Variants in DCLK2 observed in about 807,000 individuals in gnomAD.
DCLK2 encodes serine/threonine-protein kinase DCLK2.
A neutral mutation model predicts 78.4 loss-of-function variants in DCLK2; 31 were observed. The ratio of observed to expected loss-of-function variants is 0.40; its 90% confidence interval spans 0.30 to 0.53. The LOEUF (loss-of-function observed/expected upper bound fraction) is 0.53, where lower values mean the gene tolerates loss of function less well. Ranked by LOEUF, DCLK2 falls within the 20% of genes least tolerant of loss-of-function variation. The probability of loss-of-function intolerance (pLI) is 0.61; values close to 1 mark genes in which losing one functional copy is unlikely to be tolerated. For synonymous variants in DCLK2, 407 were observed against 374.9 expected, an observed-to-expected ratio of 1.09 and a Z score of -0.99; for missense variants, 872 against 973.7, an observed-to-expected ratio of 0.90 and a Z score of 1.39.
At chr4:150,204,598 G>T (rs752545175) in intron 5 of DCLK2, among the ~76,000 whole-genome samples, 13 of 152,136 alleles carry the variant, frequency 8.5e-5, no homozygotes, top group Non-Finnish European at 1.5e-4. Context: ...TAGAGCTAAA[G>T]ATGGAATTTC....
chr4:150,175,117 T>A (rs1580651481), intron 2 of DCLK2, among the ~76,000 whole-genome samples: 1 of 69,364 alleles, frequency 1.4e-5, no homozygotes, highest in African/African-American at 8.3e-5. Context: ...TATATTTATA[T>A]TTTTTATATA....
chr4:150,131,935 AC>A (rs1314966300), intron 2 of DCLK2, among the ~76,000 whole-genome samples: 8 of 152,036 alleles, frequency 5.3e-5, no homozygotes, highest in African/African-American at 1.9e-4. Flanking sequence ...GGAAATGCAG[AC>A]CCCTTGTTCA....
At chr4:150,091,150 G>A (rs1300097251) in intron 1 of DCLK2, among the ~76,000 whole-genome samples, 2 of 152,126 alleles carry the variant, frequency 1.3e-5, no homozygotes, top group African/African-American at 4.8e-5. Context: ...GCTGGATGTG[G>A]GAACTCATCT....
intron 1 of DCLK2, among the ~76,000 whole-genome samples, chr4:150,095,999 G>A (rs1290160879): frequency 6.6e-6 from 1 of 152,214 alleles, no homozygotes; most frequent in African/African-American, 2.4e-5. Context: ...GAAGAGTTTG[G>A]CCTTTGTTCT....
rs1484700839 is a variant in DCLK2, at chr4:150,198,060, C to G, written c.918C>G (p.Ser306=). The stretch of plus-strand genomic sequence containing the variant: ...CCTCAGCTGTTAAGTATTCTGGATC[C>G]AAAAGCCCTGGGCCCTCTCGACGCA... ...SRSSAVKYSG[S]KSPGPSRRSK... The change falls in exon 4 of 16, where the codon TCC becomes TCG. Residue 306 remains serine, a synonymous_variant. Coordinates refer to ENST00000296550, the MANE Select transcript of DCLK2 (RefSeq NM_001040260.4). The G allele has an allele frequency of 2.5e-6, 4 of 1,613,738 alleles. No individual in the cohort carries two copies. Among genetic ancestry groups the G allele is most frequent in the African/African-American group, 1.3e-5 (1 of 74,858 alleles).
At chr4:150,164,639 A>C (rs1735937172) in intron 2 of DCLK2, among the ~76,000 whole-genome samples, 1 of 152,124 alleles carries the variant, frequency 6.6e-6, no homozygotes, top group Admixed American at 6.5e-5. Context: ...TCTCTACTAA[A>C]AATATAAAAA....
chr4:150,194,326 T>C (rs1382475576), intron 3 of DCLK2, among the ~76,000 whole-genome samples: 1 of 152,204 alleles, frequency 6.6e-6, no homozygotes, highest in Non-Finnish European at 1.5e-5. Context: ...CATGTAGATT[T>C]GTGTAAGTTT....
chr4:150,081,855 G>T (rs915987956), intron 1 of DCLK2, among the ~76,000 whole-genome samples: 7 of 150,660 alleles, frequency 4.6e-5, no homozygotes, highest in South Asian at 2.1e-4. Flanking sequence ...AAAATTAGCC[G>T]GGTGTGGCGG....
intron 2 of DCLK2, among the ~76,000 whole-genome samples, chr4:150,137,233 G>T (rs1043210386): frequency 6.6e-6 from 1 of 151,912 alleles, no homozygotes; most frequent in Non-Finnish European, 1.5e-5. Flanking sequence ...GAGTTAGCTG[G>T]GACAGGTTGT....
intron 2 of DCLK2, among the ~76,000 whole-genome samples, chr4:150,165,498 T>C (rs75090276): frequency 0.021 from 3,267 of 152,354 alleles, 117 homozygotes; most frequent in African/African-American, 0.074. Flanking sequence ...TAGCCACAGT[T>C]GTTGCCATAA....
intron 2 of DCLK2, among the ~76,000 whole-genome samples, chr4:150,130,829 A>G (rs1733261628): frequency 6.6e-6 from 1 of 152,160 alleles, no homozygotes; most frequent in African/African-American, 2.4e-5. Context: ...GACCACCGAA[A>G]CTGGAGATCA....
At chr4:150,243,914 G>T in intron 12 of DCLK2, among the ~76,000 whole-genome samples, 1 of 148,678 alleles carries the variant, frequency 6.7e-6, no homozygotes, top group African/African-American at 2.5e-5. Flanking sequence ...TTGTTGCCCA[G>T]TCTGTAAATT....
intron 2 of DCLK2, among the ~76,000 whole-genome samples, chr4:150,149,729 A>C (rs576683437): frequency 5.3e-5 from 8 of 152,322 alleles, no homozygotes; most frequent in African/African-American, 1.7e-4. Context: ...TTTCTTTGCC[A>C]ATGAATGTCT....
chr4:150,090,354 C>CAAG (rs1416088577), intron 1 of DCLK2, among the ~76,000 whole-genome samples: 2 of 152,182 alleles, frequency 1.3e-5, no homozygotes, highest in East Asian at 3.8e-4. Context: ...TGTGGTGATC[C>CAAG]AAGATCGCGC....
At position 150,175,011 on chromosome 4, in the gene DCLK2, A is replaced by AATATATAT. The variant is rs1327523541; in HGVS notation, c.757-18112_757-18105dup. ...AGACTCCGTCGCAAAAAAAAAAAAAAATATATATATATATATATATATTTA... is the reference window on the plus strand; with the variant it reads ...AGACTCCGTCGCAAAAAAAAAAAAAAATATATATATATATATATATATATATATATTTA... On this transcript the variant is annotated intron_variant, in intron 2 of 15. Coordinates refer to ENST00000296550, the MANE Select transcript of DCLK2 (RefSeq NM_001040260.4). 2.3e-3 allele frequency among the ~76,000 whole-genome samples: 23 copies of AATATATAT among 9,978 alleles called. 3 individuals carry two copies. The highest frequency in any genetic ancestry group is 3.4e-3 in the African/African-American group (13 of 3,794). 6.5% of individuals were successfully genotyped at this position (9,978 alleles called of 152,430 possible).
chr4:150,083,955 G>A (rs1398682670), intron 1 of DCLK2, among the ~76,000 whole-genome samples: 2 of 152,206 alleles, frequency 1.3e-5, no homozygotes, highest in Non-Finnish European at 2.9e-5. Context: ...ATTCTCCTGG[G>A]AGAGAGACAG....
At chr4:150,145,758 C>T (rs937931655) in intron 2 of DCLK2, among the ~76,000 whole-genome samples, 16 of 152,276 alleles carry the variant, frequency 1.1e-4, no homozygotes, top group African/African-American at 2.9e-4. Flanking sequence ...TCTCTGAGAC[C>T]ACTCAACTAC....
At chr4:150,171,941 C>T (rs1424566337) in intron 2 of DCLK2, among the ~76,000 whole-genome samples, 2 of 152,192 alleles carry the variant, frequency 1.3e-5, no homozygotes, top group Non-Finnish European at 2.9e-5. Context: ...TTGACAAATG[C>T]GTGCATCTTG....
intron 2 of DCLK2, among the ~76,000 whole-genome samples, chr4:150,138,498 A>G (rs1733853035): frequency 6.6e-6 from 1 of 152,186 alleles, no homozygotes. Flanking sequence ...AATCCCAGGT[A>G]CTTAGGAGGC....
Sources: gnomAD v4.1 joint callset for allele counts (sites outside exome capture counted in the v4.1 genomes callset) on GRCh38, gnomAD v4.1.1 for gene constraint, MANE v1.5 for transcripts, NCBI Gene and HGNC (gene_info 2026-07-23, HGNC 2026-07-21) for gene names.